CAPN13: variants seen among roughly 807,000 people sequenced by gnomAD.
CAPN13 encodes the protein calpain 13.
CAPN13 carries 90 observed loss-of-function variants against 98.4 expected under a neutral mutation model. The observed-to-expected ratio is 0.92, with a 90% CI of 0.77 to 1.09. The LOEUF is 1.09. Ranked by LOEUF, CAPN13 falls within the 50% of genes least tolerant of loss-of-function variation. CAPN13 has a pLI of 0.00. For missense variants in CAPN13, 887 were observed against 841.3 expected, an observed-to-expected ratio of 1.05 and a Z score of -0.67; for synonymous variants, 330 against 305.5, an observed-to-expected ratio of 1.08 and a Z score of -0.84.
At position 30,732,539 on chromosome 2, in the gene CAPN13, CG is replaced by C. The variant is rs777151188; in HGVS notation, c.1825del (p.Arg609ValfsTer7). On this transcript the variant is annotated frameshift_variant, in exon 20 of 23. Transcript: ENST00000295055. LOFTEE classifies it high-confidence loss of function. ...TDFLRGIFIS[R>X]ELLHLVTLRY... is the part of the protein sequence containing the mutation. ...GAGGGTCACCAGATGCAGCAGCTCA[CG>C]GCTGATGAAGATCCCTCTGAGGAAG... 6.2e-7 allele frequency: 1 copy of C among 1,609,854 alleles called. No individual in the cohort carries two copies. Among genetic ancestry groups the C allele is most frequent in the Non-Finnish European group, 8.5e-7 (1 of 1,178,372 alleles).
chr2:30,738,540 CAG>C, intron 15 of CAPN13, 83 bp from the exon 16 acceptor site: 1 of 1,412,154 alleles, frequency 7.1e-7, no homozygotes. Context: ...TAAAAGCACT[CAG>C]ATTTCCAAGC....
chr2:30,780,602 T>C (rs545663056), intron 2 of CAPN13, among the ~76,000 whole-genome samples: 2 of 152,352 alleles, frequency 1.3e-5, no homozygotes, highest in Admixed American at 1.3e-4. Flanking sequence ...TTTAATGTGA[T>C]GAAAATTCAA....
intron 1 of CAPN13, among the ~76,000 whole-genome samples, chr2:30,787,947 G>A (rs554889864): frequency 3.3e-5 from 5 of 152,258 alleles, no homozygotes; most frequent in East Asian, 3.9e-4. Flanking sequence ...GAGGGTGTGG[G>A]CAGGGACTGG....
At chr2:30,801,286 T>G (rs1675256039) in intron 1 of CAPN13, among the ~76,000 whole-genome samples, 1 of 152,170 alleles carries the variant, frequency 6.6e-6, no homozygotes, top group African/African-American at 2.4e-5. Flanking sequence ...GCCTATCTTC[T>G]TAGGCTTTTT....
intron 7 of CAPN13, among the ~76,000 whole-genome samples, chr2:30,759,884 G>A (rs1672749318): frequency 6.6e-6 from 1 of 152,168 alleles, no homozygotes; most frequent in South Asian, 2.1e-4. Context: ...CTGTGCAGGA[G>A]CCGCACAGTC....
chr2:30,736,410 A>C, intron 18 of CAPN13, 93 bp downstream of exon 18: 4 of 1,252,174 alleles, frequency 3.2e-6, no homozygotes, highest in Non-Finnish European at 4.7e-6. Flanking sequence ...CTCTTCTTTC[A>C]TACCCCTGAA....
At chr2:30,742,067 T>C in intron 14 of CAPN13, 103 bp from the exon 15 acceptor site, 2 of 1,135,482 alleles carry the variant, frequency 1.8e-6, no homozygotes, top group Non-Finnish European at 1.3e-6. Context: ...TGAGAAAGAG[T>C]CTTTATTGGG....
chr2:30,754,408 A>AT (rs762961279), intron 8 of CAPN13, 44 bp from the exon 9 acceptor site: 29 of 1,539,202 alleles, frequency 1.9e-5, no homozygotes, highest in East Asian at 2.4e-5. Context: ...TTTCCAGTGC[A>AT]TTTTTTCTCA....
chr2:30,748,167 G>A (rs951427735), intron 11 of CAPN13, among the ~76,000 whole-genome samples: 12 of 152,164 alleles, frequency 7.9e-5, no homozygotes, highest in African/African-American at 2.9e-4. Context: ...TTTCTAGTAG[G>A]CCTCTTTGGT....
At chr2:30,778,703 G>A (rs1303545818) in intron 2 of CAPN13, among the ~76,000 whole-genome samples, 2 of 152,146 alleles carry the variant, frequency 1.3e-5, no homozygotes, top group African/African-American at 4.8e-5. Flanking sequence ...ACGAAGGTGT[G>A]CCCGCCTGCA....
At chr2:30,772,793 T>C (rs552663664) in intron 4 of CAPN13, among the ~76,000 whole-genome samples, 1 of 151,832 alleles carries the variant, frequency 6.6e-6, no homozygotes, top group South Asian at 2.1e-4. Context: ...TACATATAGA[T>C]TTCTGAACTC....
chr2:30,735,125 C>A (rs140472461), intron 18 of CAPN13, among the ~76,000 whole-genome samples: 3 of 152,160 alleles, frequency 2.0e-5, no homozygotes, highest in Non-Finnish European at 4.4e-5. Context: ...AGGTGGCAAC[C>A]GGAACATATC....
At chr2:30,770,814 T>C (rs1673366793) in intron 4 of CAPN13, among the ~76,000 whole-genome samples, 1 of 152,140 alleles carries the variant, frequency 6.6e-6, no homozygotes, top group Admixed American at 6.5e-5. Context: ...AGGGAAGCAA[T>C]GCTACCAACA....
chr2:30,781,545 G>A (rs1488243320), intron 2 of CAPN13, among the ~76,000 whole-genome samples: 2 of 152,028 alleles, frequency 1.3e-5, no homozygotes, highest in African/African-American at 4.8e-5. Context: ...GTCTATTCAG[G>A]GCCTAAACAG....
At chr2:30,770,546 A>C (rs1673351010) in intron 4 of CAPN13, 97 bp from the exon 5 acceptor site, 1 of 1,412,740 alleles carries the variant, frequency 7.1e-7, no homozygotes, top group African/African-American at 1.4e-5. Context: ...TGACCTCTAC[A>C]ATGCAATAAT....
chr2:30,783,202 C>A (rs1674082602), intron 2 of CAPN13, among the ~76,000 whole-genome samples: 1 of 152,194 alleles, frequency 6.6e-6, no homozygotes, highest in Non-Finnish European at 1.5e-5. Context: ...TAAAAGGGGT[C>A]CACTCTAAGT....
chr2:30,799,998 C>T (rs13019907), intron 1 of CAPN13, among the ~76,000 whole-genome samples: 33,567 of 149,968 alleles, frequency 0.22, 4,570 homozygotes, highest in Admixed American at 0.38. Flanking sequence ...GGCATGAACC[C>T]GGGAGGCAGA....
At chr2:30,762,034 G>A (rs1211669723) in intron 7 of CAPN13, among the ~76,000 whole-genome samples, 6 of 152,176 alleles carry the variant, frequency 3.9e-5, no homozygotes, top group Admixed American at 6.5e-5. Context: ...GACCTCAAGT[G>A]TTGTGGGAAA....
intron 22 of CAPN13, among the ~76,000 whole-genome samples, chr2:30,726,111 T>C (rs1282223974): frequency 2.0e-5 from 3 of 152,232 alleles, no homozygotes; most frequent in African/African-American, 4.8e-5. Context: ...GGTAGGTGTT[T>C]CGCTTTGTGC....
Sources: gnomAD v4.1 joint callset for allele counts (sites outside exome capture counted in the v4.1 genomes callset) on GRCh38, gnomAD v4.1.1 for gene constraint, MANE v1.5 for transcripts, NCBI Gene and HGNC (gene_info 2026-07-23, HGNC 2026-07-21) for gene names.